The following ASTN2 variants were observed in gnomAD, a reference collection of about 807,000 sequenced individuals.
The protein encoded by ASTN2 is astrotactin-2.
Under a neutral mutation model 139.8 loss-of-function variants are expected in ASTN2, and 54 were observed. The observed-to-expected ratio is 0.39, with a 90% confidence interval of 0.31 to 0.48. The LOEUF (loss-of-function observed/expected upper bound fraction) is 0.48, where lower values mean the gene tolerates loss of function less well. Ranked by LOEUF, ASTN2 falls within the 20% of genes least tolerant of loss-of-function variation. The pLI is 0.95. For missense variants in ASTN2, 1,565 were observed against 1,725.1 expected (o/e 0.91, Z 1.64); for synonymous variants, 756 against 719.5 (o/e 1.05, Z -0.81).
At chr9:116,676,255 A>T (rs900120227) in intron 16 of ASTN2, among the ~76,000 whole-genome samples, 1 of 152,214 alleles carries the variant, frequency 6.6e-6, no homozygotes, top group Non-Finnish European at 1.5e-5. Flanking sequence ...CTGTCTGGGT[A>T]AACAGTAAAC....
rs372277811 is a variant in ASTN2 at position 117,048,963 on chromosome 9, C to CTTTT, written c.1277-9002_1277-8999dup. Reference sequence around the variant, plus strand: ...GTGCGCTCTGATTCTTCATCCATTGCTTTTTTTTTTTTTTTTTGAGACGGA... The same window carrying CTTTT: ...GTGCGCTCTGATTCTTCATCCATTGCTTTTTTTTTTTTTTTTTTTTTGAGACGGA... On this transcript the variant is annotated intron_variant, in intron 5 of 22. Transcript: ENST00000313400. Among the ~76,000 whole-genome samples the CTTTT allele has an allele frequency of 1.3e-3, 113 of 89,030 alleles. 8 individuals carry two copies. Among genetic ancestry groups the CTTTT allele is most frequent in the African/African-American group, 4.0e-3 (99 of 24,994 alleles). 58.4% of individuals were successfully genotyped at this position (89,030 alleles called of 152,430 possible). A position where few individuals can be genotyped will look rare whatever the true frequency, so the allele number is the denominator to read the frequency against.
intron 1 of ASTN2, among the ~76,000 whole-genome samples, chr9:117,393,564 G>A (rs540697394): frequency 3.3e-5 from 5 of 152,300 alleles, no homozygotes; most frequent in Non-Finnish European, 5.9e-5. Context: ...TTCCATTCTC[G>A]TGCCATCACT....
chr9:117,241,249 C>T (rs1025604528), intron 2 of ASTN2, among the ~76,000 whole-genome samples: 2 of 152,138 alleles, frequency 1.3e-5, no homozygotes, highest in Non-Finnish European at 2.9e-5. Flanking sequence ...AGTTTGGGTT[C>T]ATTTTTAGCT....
chr9:116,525,045 A>G (rs1272006905), intron 19 of ASTN2, among the ~76,000 whole-genome samples: 1 of 152,204 alleles, frequency 6.6e-6, no homozygotes, highest in Non-Finnish European at 1.5e-5. Context: ...GAAACTTCCT[A>G]GAGACTTGTT....
At chr9:117,003,357 T>G (rs1039108793) in intron 7 of ASTN2, among the ~76,000 whole-genome samples, 1 of 152,096 alleles carries the variant, frequency 6.6e-6, no homozygotes, top group African/African-American at 2.4e-5. Flanking sequence ...TGCTGAGGTT[T>G]CAGAAGCACT....
In ASTN2 at chr9:116,698,181, C is replaced by G; in HGVS notation, c.2806+27590G>C. The G allele has an allele frequency of 1.2e-6, 2 of 1,614,118 alleles. No homozygotes were observed. The highest frequency in any genetic ancestry group is 1.6e-4 in the Middle Eastern group (1 of 6,062). On this transcript the variant is annotated intron_variant, in intron 16 of 22. Coordinates refer to ENST00000313400, the MANE Select transcript of ASTN2 (RefSeq NM_001365068.1). This position sits in a 1 kb window ranked among gnomAD's most constrained non-coding sequence, Gnocchi z 4.4. ...CAAAGAAGCAGCTGAGGAGCGGCGT[C>G]GGGACTTTGGAGAGAAGTTAACTCG...
At chr9:117,273,321 T>C (rs1014446802) in intron 2 of ASTN2, among the ~76,000 whole-genome samples, 2 of 152,158 alleles carry the variant, frequency 1.3e-5, no homozygotes, top group African/African-American at 4.8e-5. Flanking sequence ...GAAGATACAA[T>C]TCAAGTTGAG....
At chr9:116,466,407 CGT>C (rs756765379) in intron 20 of ASTN2, among the ~76,000 whole-genome samples, 1 of 152,190 alleles carries the variant, frequency 6.6e-6, no homozygotes, top group African/African-American at 2.4e-5. Context: ...GCTCAGCAAA[CGT>C]TTCTCAAAGG....
chr9:117,128,786 A>G (rs55923696), intron 4 of ASTN2, among the ~76,000 whole-genome samples: 4,177 of 152,336 alleles, frequency 0.027, 170 homozygotes, highest in African/African-American at 0.091. Flanking sequence ...TTACAGTTCC[A>G]GTTGGTGTAG....
intron 3 of ASTN2, among the ~76,000 whole-genome samples, chr9:117,203,359 G>A (rs1482843073): frequency 6.6e-6 from 1 of 151,946 alleles, no homozygotes; most frequent in Non-Finnish European, 1.5e-5. Context: ...TTGATCCTCT[G>A]TCCAGTTCTA....
intron 1 of ASTN2, among the ~76,000 whole-genome samples, chr9:117,350,275 A>G (rs1039808145): frequency 1.3e-5 from 2 of 152,214 alleles, no homozygotes; most frequent in African/African-American, 4.8e-5. Flanking sequence ...CAAGGCTGGC[A>G]CAGTGGCTCA....
intron 20 of ASTN2, among the ~76,000 whole-genome samples, chr9:116,485,765 G>T (rs1849317965): frequency 6.6e-6 from 1 of 152,190 alleles, no homozygotes; most frequent in South Asian, 2.1e-4. Context: ...TAAAGCTTGG[G>T]TCCCAACATC....
intron 13 of ASTN2, among the ~76,000 whole-genome samples, chr9:116,763,021 T>C (rs1274275903): frequency 6.6e-6 from 1 of 152,220 alleles, no homozygotes; most frequent in Non-Finnish European, 1.5e-5. Context: ...TTCAATTCCA[T>C]GACTACTTTA....
At chr9:117,261,341 T>C (rs1564113052) in intron 2 of ASTN2, among the ~76,000 whole-genome samples, 2 of 152,214 alleles carry the variant, frequency 1.3e-5, no homozygotes, top group Admixed American at 6.5e-5. Flanking sequence ...ATTCAGGACC[T>C]GACAGCACCA....
chr9:117,192,187 C>T (rs1276623195), intron 3 of ASTN2, among the ~76,000 whole-genome samples: 3 of 152,110 alleles, frequency 2.0e-5, no homozygotes, highest in African/African-American at 4.8e-5. Flanking sequence ...CTGCTGCCTG[C>T]TTTGCAGAGC....
intron 19 of ASTN2, among the ~76,000 whole-genome samples, chr9:116,517,246 A>C (rs1194746849): frequency 1.3e-5 from 2 of 152,348 alleles, no homozygotes; most frequent in East Asian, 3.9e-4. Flanking sequence ...ACTGAGGACC[A>C]TCACAGAGTC....
chr9:117,040,970 T>C (rs1838548317), intron 5 of ASTN2, among the ~76,000 whole-genome samples: 1 of 152,192 alleles, frequency 6.6e-6, no homozygotes, highest in African/African-American at 2.4e-5. Context: ...TTTTATAGGC[T>C]AGGGGGAAAA....
intron 19 of ASTN2, among the ~76,000 whole-genome samples, chr9:116,561,353 T>C (rs532234311): frequency 1.3e-5 from 2 of 152,222 alleles, no homozygotes; most frequent in Non-Finnish European, 2.9e-5. Context: ...TAAATCTTCA[T>C]TAATTTAAAT....
At chr9:117,133,749 A>T (rs978225247) in intron 4 of ASTN2, among the ~76,000 whole-genome samples, 2 of 152,212 alleles carry the variant, frequency 1.3e-5, no homozygotes, top group Non-Finnish European at 2.9e-5. Context: ...CACGACTTTC[A>T]TTTGGGAAAA....
Sources: gnomAD v4.1 joint callset for allele counts (sites outside exome capture counted in the v4.1 genomes callset) on GRCh38, gnomAD v4.1.1 for gene constraint, Gnocchi (gnomAD v3.1) non-coding constraint, MANE v1.5 for transcripts, NCBI Gene and HGNC (gene_info 2026-07-23, HGNC 2026-07-21) for gene names.